SPATA6: variants seen among roughly 807,000 people sequenced by gnomAD.
SPATA6 encodes spermatogenesis-associated protein 6.
Under a neutral mutation model 65.3 loss-of-function variants are expected in SPATA6, and 56 were observed. The ratio of observed to expected loss-of-function variants is 0.86; its 90% confidence interval spans 0.69 to 1.07. SPATA6 has a LOEUF of 1.07. SPATA6 is among the 50% of genes least tolerant of loss of function. SPATA6 has a pLI of 0.00. For synonymous variants in SPATA6, 199 were observed against 213.2 expected (o/e 0.93, Z 0.58); for missense variants, 590 against 594.8 (o/e 0.99, Z 0.08).
chr1:48,385,370 C>CA, intron 8 of SPATA6, 21 bp from the exon 9 acceptor site: 1 of 1,600,580 alleles, frequency 6.2e-7, no homozygotes, highest in Non-Finnish European at 8.5e-7. Flanking sequence ...AAGTACAAAA[C>CA]AATTAAAGTT....
At chr1:48,354,194 G>T (rs898660967) in intron 11 of SPATA6, among the ~76,000 whole-genome samples, 2 of 152,004 alleles carry the variant, frequency 1.3e-5, no homozygotes, top group Admixed American at 1.3e-4. Context: ...AAAACACAGA[G>T]AAGCACAGAG....
intron 11 of SPATA6, among the ~76,000 whole-genome samples, chr1:48,349,523 T>C (rs1004764172): frequency 1.4e-4 from 21 of 151,958 alleles, no homozygotes; most frequent in Admixed American, 1.1e-3. Context: ...AATTTTCATA[T>C]AGTAAAGTTA....
Position 48,313,418 on chromosome 1 carries a change from C to T in SPATA6, c.1195-7540G>A, listed in dbSNP as rs890993229. ...CATTCTTAAAGAAAAGAATTTTCAA[C>T]CCAGAATTTCATATCCAGCCAAACT... On this transcript the variant is annotated intron_variant, in intron 11 of 12. Coordinates refer to ENST00000371847, the MANE Select transcript of SPATA6 (RefSeq NM_019073.4). Among the ~76,000 whole-genome samples the T allele has an allele frequency of 2.6e-5, 4 of 152,130 alleles. No homozygotes were observed. The East Asian group carries it at 7.7e-4, about 29-fold the overall frequency.
chr1:48,457,694 A>G (rs953337460), intron 1 of SPATA6, among the ~76,000 whole-genome samples: 2 of 152,198 alleles, frequency 1.3e-5, no homozygotes, highest in African/African-American at 4.8e-5. Context: ...ATTCCCAAAT[A>G]AACAAATGAG....
intron 9 of SPATA6, among the ~76,000 whole-genome samples, chr1:48,363,383 C>G (rs1570303793): frequency 6.6e-6 from 1 of 152,064 alleles, no homozygotes; most frequent in Non-Finnish European, 1.5e-5. Flanking sequence ...GGCTTAGAGT[C>G]CAAAAACTTA....
chr1:48,330,813 G>A (rs1449696087), intron 11 of SPATA6, among the ~76,000 whole-genome samples: 1 of 152,212 alleles, frequency 6.6e-6, no homozygotes, highest in African/African-American at 2.4e-5. Flanking sequence ...TCTGTGAGTA[G>A]ACACAACCCC....
At chr1:48,357,271 T>C (rs556742265) in intron 10 of SPATA6, among the ~76,000 whole-genome samples, 11 of 152,172 alleles carry the variant, frequency 7.2e-5, no homozygotes, top group African/African-American at 2.6e-4. Flanking sequence ...TATTTACACA[T>C]TGAGAAGGAA....
At chr1:48,288,482 T>G in the SPATA6 span, among the ~76,000 whole-genome samples, 1 of 152,286 alleles carries the variant, frequency 6.6e-6, no homozygotes, top group African/African-American at 2.4e-5. Context: ...TCACTGGGGC[T>G]TGTCAAACAC....
chr1:48,315,426 C>T (rs1370329163), intron 11 of SPATA6, among the ~76,000 whole-genome samples: 5 of 152,022 alleles, frequency 3.3e-5, no homozygotes, highest in African/African-American at 4.8e-5. Context: ...ATAAACAGAA[C>T]CAAAGACAAA....
intron 1 of SPATA6, among the ~76,000 whole-genome samples, chr1:48,466,508 T>C (rs1354740287): frequency 6.6e-6 from 1 of 151,734 alleles, no homozygotes; most frequent in Non-Finnish European, 1.5e-5. Flanking sequence ...TTAAGGAAGG[T>C]AGGGAGGAAA....
At chr1:48,355,133 T>C (rs1303639728) in intron 11 of SPATA6, among the ~76,000 whole-genome samples, 2 of 152,142 alleles carry the variant, frequency 1.3e-5, no homozygotes, top group African/African-American at 4.8e-5. Flanking sequence ...CCAGCTGTCA[T>C]TTATATGAAT....
intron 8 of SPATA6, among the ~76,000 whole-genome samples, chr1:48,389,134 C>A (rs529833044): frequency 6.6e-6 from 1 of 152,088 alleles, no homozygotes; most frequent in Non-Finnish European, 1.5e-5. Flanking sequence ...CATAAGCCAT[C>A]GTGCCTGGCC....
chr1:48,453,239 A>C (rs1428430914), intron 1 of SPATA6, 108 bp from the exon 2 acceptor site: 2 of 1,203,068 alleles, frequency 1.7e-6, no homozygotes, highest in African/African-American at 3.2e-5. Flanking sequence ...TGGTAATCTA[A>C]TAAAAAATAC....
At chr1:48,445,457 G>A (rs796465153) in intron 3 of SPATA6, among the ~76,000 whole-genome samples, 13 of 151,970 alleles carry the variant, frequency 8.6e-5, no homozygotes, top group South Asian at 2.1e-4. Flanking sequence ...AGGTCAGATC[G>A]AGACCATCCT....
chr1:48,268,474 C>A, the SPATA6 span, among the ~76,000 whole-genome samples: 9 of 151,884 alleles, frequency 5.9e-5, no homozygotes, highest in Admixed American at 5.9e-4. Flanking sequence ...TTCTGCTGAA[C>A]TAGAGTGATT....
intron 3 of SPATA6, 103 bp downstream of exon 3, chr1:48,451,449 A>G: frequency 1.0e-6 from 1 of 995,706 alleles, no homozygotes; most frequent in Non-Finnish European, 1.5e-6. Context: ...TTAAAGTTCT[A>G]CTAACCCCTT....
At chr1:48,268,332 GTT>G in the SPATA6 span, among the ~76,000 whole-genome samples, 2 of 147,320 alleles carry the variant, frequency 1.4e-5, no homozygotes, top group South Asian at 2.2e-4. Context: ...GTGTGTGTGT[GTT>G]TGTGTGTGTG....
In SPATA6 at chr1:48,298,784, T is replaced by C. The variant is rs1644860377; in HGVS notation, c.1396A>G (p.Met466Val). Residue 466 changes from methionine to valine, a missense_variant, in exon 13 of 13, where the codon ATG becomes GTG. Met to Val is a conservative substitution (Grantham distance 21). Transcript: ENST00000371847. ...TATAAGTTCCTGTACATCTTGTCCA[T>C]GCTGTTCTCAAAGATGGGTCGGTGG... ...KSHRPIFENS[M>V]DKMYRNLYKK... 2 of 1,613,946 alleles carry C rather than the reference T, an allele frequency of 1.2e-6. No individual in the cohort carries two copies. Among genetic ancestry groups the C allele is most frequent in the East Asian group, 2.2e-5 (1 of 44,868 alleles).
At chr1:48,419,544 G>C (rs1301669587) in intron 3 of SPATA6, among the ~76,000 whole-genome samples, 1 of 152,312 alleles carries the variant, frequency 6.6e-6, no homozygotes, top group East Asian at 1.9e-4. Context: ...CAAGCTCCTA[G>C]AGATGGCATG....
Sources: gnomAD v4.1 joint callset for allele counts (sites outside exome capture counted in the v4.1 genomes callset) on GRCh38, gnomAD v4.1.1 for gene constraint, MANE v1.5 for transcripts, NCBI Gene and HGNC (gene_info 2026-07-23, HGNC 2026-07-21) for gene names.